Variants in PANK1 observed in about 807,000 individuals in gnomAD.
PANK1 encodes the protein pantothenate kinase 1, also known as pantothenic acid kinase 1.
A neutral mutation model predicts 40.1 loss-of-function variants in PANK1; 18 were observed. The ratio of observed to expected loss-of-function variants is 0.45; its 90% CI spans 0.31 to 0.67. The LOEUF is 0.67. Among genes scored for constraint, PANK1 ranks in the 30% least tolerant of loss-of-function variants. PANK1 has a pLI of 0.06. For synonymous variants in PANK1, 242 were observed against 237.7 expected (o/e 1.02, Z -0.17); for missense variants, 457 against 599.6 (o/e 0.76, Z 2.48).
Position 89,583,302 on chromosome 10 carries a change from G to A in PANK1, c.*1104C>T, listed in dbSNP as rs1202255886. 6.6e-6 allele frequency: 1 copy of A among 152,090 alleles called. No homozygotes were observed. Among genetic ancestry groups the A allele is most frequent in the African/African-American group, 2.4e-5 (1 of 41,410 alleles). The allele number at this position is 152,090 out of a possible 1,614,324, so 9.4% of individuals were successfully genotyped here. A position where few individuals can be genotyped will look rare whatever the true frequency, so the allele number is the denominator to read the frequency against. On this transcript the variant is annotated 3_prime_UTR_variant, in exon 7 of 7. Coordinates refer to ENST00000307534, the MANE Select transcript of PANK1 (RefSeq NM_148977.3). ...TAAATTATTTTTAATTTTAGAAACTGAGATTGAAGTACAGTTTTTAGTTTA... is the reference window on the plus strand; with the variant it reads ...TAAATTATTTTTAATTTTAGAAACTAAGATTGAAGTACAGTTTTTAGTTTA...
Position 89,599,272 on chromosome 10 carries a change from A to G in PANK1, c.879T>C (p.Tyr293=). The G allele has an allele frequency of 6.2e-7, 1 of 1,614,096 alleles. No homozygotes were observed. Among genetic ancestry groups the G allele is most frequent in the African/African-American group, 1.3e-5 (1 of 75,048 alleles). ...TTTACCTGGTCCCTGTAACTCTTTT[A>G]TAGTTGTCCTTGGAGTACACGGCTA... is the stretch of plus-strand genomic sequence containing the variant. The part of the protein sequence containing the change: ...SILAVYSKDN[Y]KRVTGTSLGG... The change falls in exon 3 of 7, where the codon TAT becomes TAC. Residue 293 remains tyrosine (Y), a synonymous_variant. Transcript: ENST00000307534.
At chr10:89,623,375 C>T (rs746685297) in intron 1 of PANK1, among the ~76,000 whole-genome samples, 5 of 152,090 alleles carry the variant, frequency 3.3e-5, no homozygotes, top group Non-Finnish European at 7.4e-5. Flanking sequence ...GCACCCACCA[C>T]CATGCCTGGC....
At chr10:89,607,845 G>C (rs1178474316) in intron 2 of PANK1, among the ~76,000 whole-genome samples, 1 of 146,580 alleles carries the variant, frequency 6.8e-6, no homozygotes, top group Non-Finnish European at 1.5e-5. Flanking sequence ...TTGGTGCACA[G>C]CCATGCAGAG....
At chr10:89,607,136 G>A (rs1844991567) in intron 2 of PANK1, among the ~76,000 whole-genome samples, 1 of 152,196 alleles carries the variant, frequency 6.6e-6, no homozygotes, top group South Asian at 2.1e-4. Context: ...TTCTCACTAA[G>A]CGTAATGATT....
At chr10:89,592,007 G>C (rs1844407245) in intron 5 of PANK1, among the ~76,000 whole-genome samples, 1 of 152,152 alleles carries the variant, frequency 6.6e-6, no homozygotes, top group Non-Finnish European at 1.5e-5. Context: ...TTGGTCTTGG[G>C]GCTTGTTTCA....
intron 1 of PANK1, among the ~76,000 whole-genome samples, chr10:89,630,683 T>C (rs1195273737): frequency 6.6e-6 from 1 of 152,072 alleles, no homozygotes; most frequent in African/African-American, 2.4e-5. Flanking sequence ...TAGTAGAGAC[T>C]GAGTTTCACT....
chr10:89,627,231 G>GAAA (rs34086662), intron 1 of PANK1, among the ~76,000 whole-genome samples: 75 of 136,770 alleles, frequency 5.5e-4, no homozygotes, highest in Admixed American at 2.5e-3. Flanking sequence ...GAAAATATTT[G>GAAA]AAAAAAAAAA....
intron 2 of PANK1, among the ~76,000 whole-genome samples, chr10:89,610,570 G>C (rs564909122): frequency 6.6e-6 from 1 of 152,030 alleles, no homozygotes; most frequent in Non-Finnish European, 1.5e-5. Context: ...GAGGTAAATG[G>C]GGTTACTTTT....
intron 1 of PANK1, among the ~76,000 whole-genome samples, chr10:89,616,707 T>C (rs943809954): frequency 3.1e-4 from 47 of 152,024 alleles, no homozygotes; most frequent in African/African-American, 1.1e-3. Flanking sequence ...CGGATTTTGA[T>C]GTCAGGAGTT....
intron 1 of PANK1, among the ~76,000 whole-genome samples, chr10:89,636,975 C>A (rs1365164644): frequency 6.6e-6 from 1 of 151,618 alleles, no homozygotes; most frequent in East Asian, 2.0e-4. Flanking sequence ...CATTCTCCTG[C>A]CTCAGCCTCC....
intron 2 of PANK1, among the ~76,000 whole-genome samples, chr10:89,602,232 A>C (rs1034375151): frequency 6.6e-6 from 1 of 152,250 alleles, no homozygotes; most frequent in African/African-American, 2.4e-5. Flanking sequence ...AAAACCTGCC[A>C]AGGCAAATAA....
intron 1 of PANK1, among the ~76,000 whole-genome samples, chr10:89,616,835 C>T (rs1013002745): frequency 4.6e-5 from 7 of 151,916 alleles, no homozygotes; most frequent in Non-Finnish European, 8.8e-5. Context: ...GAAGGAGAAT[C>T]GCTTGAACTC....
intron 3 of PANK1, among the ~76,000 whole-genome samples, chr10:89,596,471 G>T (rs2133937394): frequency 6.6e-6 from 1 of 152,318 alleles, no homozygotes; most frequent in South Asian, 2.1e-4. Flanking sequence ...GAGCAAATGA[G>T]GTAAAGCGAG....
At position 89,602,334 on chromosome 10, in the gene PANK1, A is replaced by G. The variant is rs575069301; in HGVS notation, c.646-2829T>C. On this transcript the variant is annotated intron_variant, in intron 2 of 6. Transcript: ENST00000307534. ...AGTGCTAGCAGCAAACATCTCTTCT[A>G]CACATTTCACTGAGGGGTGGATATC... Among the ~76,000 whole-genome samples the G allele has an allele frequency of 5.9e-5, 9 of 152,370 alleles. No individual in the cohort carries two copies. The East Asian group carries it at 1.3e-3, about 23-fold the overall frequency.
chr10:89,602,789 G>A (rs1290928896), intron 2 of PANK1, among the ~76,000 whole-genome samples: 2 of 152,150 alleles, frequency 1.3e-5, no homozygotes, highest in Non-Finnish European at 2.9e-5. Flanking sequence ...AAGTCAACCT[G>A]CATATATTTA....
At chr10:89,584,579 G>C in intron 6 of PANK1, 114 bp from the exon 7 acceptor site, 1 of 700,100 alleles carries the variant, frequency 1.4e-6, no homozygotes, top group Admixed American at 2.3e-5. Context: ...AACCTAAATT[G>C]TGTGTCACAA....
chr10:89,596,686 A>G (rs1341455153), intron 3 of PANK1, among the ~76,000 whole-genome samples: 1 of 152,250 alleles, frequency 6.6e-6, no homozygotes, highest in Non-Finnish European at 1.5e-5. Flanking sequence ...GAGAAAAACA[A>G]TGCAAGAAAA....
intron 1 of PANK1, among the ~76,000 whole-genome samples, chr10:89,642,578 C>T (rs1285291859): frequency 6.6e-6 from 1 of 152,180 alleles, no homozygotes; most frequent in Non-Finnish European, 1.5e-5. Flanking sequence ...TAAATACTCA[C>T]AGAGTACCTA....
intron 2 of PANK1, among the ~76,000 whole-genome samples, chr10:89,608,068 G>A (rs1294216998): frequency 1.4e-5 from 2 of 144,526 alleles, no homozygotes; most frequent in African/African-American, 5.2e-5. Flanking sequence ...GTCTGGCCTC[G>A]TCGCCCCGGC....
Sources: allele counts gnomAD v4.1 joint callset (sites outside exome capture counted in the v4.1 genomes callset), GRCh38; gene constraint gnomAD v4.1.1; transcripts MANE v1.5; gene names NCBI Gene and HGNC (gene_info 2026-07-23, HGNC 2026-07-21).